TBX5: variants seen among roughly 807,000 people sequenced by gnomAD.
TBX5 encodes T-box transcription factor 5, also known as T-box transcription factor TBX5.
In TBX5, 8 loss-of-function variants were observed where a neutral mutation model predicts 51.1. That is an observed-to-expected ratio of 0.16 (90% CI 0.09 to 0.28). The LOEUF is 0.28. Ranked by LOEUF, TBX5 falls within the 10% of genes least tolerant of loss-of-function variation. The pLI is 1.00. For missense variants in TBX5, 589 were observed against 671.7 expected (o/e 0.88, Z 1.36); for synonymous variants, 302 against 266.4 (o/e 1.13, Z -1.30).
Position 114,401,906 on chromosome 12 carries a change from G to T in TBX5, c.162C>A (p.Ile54=). 6.2e-7 allele frequency: 1 copy of T among 1,614,146 alleles called. No individual in the cohort carries two copies. Among genetic ancestry groups the T allele is most frequent in the South Asian group, 1.1e-5 (1 of 91,076 alleles). ...AAFTQQGMEG[I]KVFLHERELW... ...GTTCTCTTTCATGGAGAAACACTTT[G>T]ATTCCCTCCATGCCCTGCAAGAAGG... Residue 54 remains isoleucine (I), a synonymous_variant, in exon 3 of 9, where the codon ATC becomes ATA. Coordinates refer to ENST00000405440, the MANE Select transcript of TBX5 (RefSeq NM_181486.4).
chr12:114,395,340 C>T (rs1032863797), intron 5 of TBX5, among the ~76,000 whole-genome samples: 8 of 152,098 alleles, frequency 5.3e-5, no homozygotes, highest in Admixed American at 3.3e-4. Context: ...CTCCCCAAAT[C>T]TCTAAGGGAT....
intron 6 of TBX5, among the ~76,000 whole-genome samples, chr12:114,391,181 T>C (rs1593872036): frequency 1.3e-5 from 2 of 152,222 alleles, no homozygotes; most frequent in South Asian, 4.1e-4. Context: ...CATGCATTGC[T>C]TTTCTTTTCC....
chr12:114,385,326 G>T, intron 7 of TBX5, 150 bp downstream of exon 7: 1 of 739,550 alleles, frequency 1.4e-6, no homozygotes, highest in Admixed American at 2.0e-5. Context: ...CAGAAAATGG[G>T]ACAGAGGGGG....
At chr12:114,398,364 A>G (rs1380318005) in intron 5 of TBX5, among the ~76,000 whole-genome samples, 1 of 152,134 alleles carries the variant, frequency 6.6e-6, no homozygotes, top group Non-Finnish European at 1.5e-5. Flanking sequence ...GAAAGGAATG[A>G]GAGAATTGAG....
At chr12:114,399,152 C>T (rs2136417527) in intron 4 of TBX5, among the ~76,000 whole-genome samples, 1 of 152,310 alleles carries the variant, frequency 6.6e-6, no homozygotes, top group African/African-American at 2.4e-5. Flanking sequence ...CATAAAAATG[C>T]ATGTTCAAAG....
intron 8 of TBX5, 133 bp from the exon 9 acceptor site, chr12:114,356,239 C>CA (rs1333096744): frequency 1.7e-5 from 15 of 875,102 alleles, no homozygotes; most frequent in South Asian, 2.8e-5. Flanking sequence ...ATTCTGAATA[C>CA]AAAAAAAGGG....
Position 114,385,712 on chromosome 12 carries a change from C to T in TBX5, c.664-145G>A, listed in dbSNP as rs539209437. The T allele has an allele frequency of 7.3e-4, 519 of 715,336 alleles. 4 individuals carry two copies. In the South Asian group the frequency reaches 7.6e-3, roughly 10 times the overall value. 44.3% of individuals were successfully genotyped at this position (715,336 alleles called of 1,614,324 possible). A position where few individuals can be genotyped will look rare whatever the true frequency, so the allele number is the denominator to read the frequency against. On this transcript the variant is annotated intron_variant, in intron 6 of 8. Transcript: ENST00000405440. ...AATTAAGCCAGTCACGTCAACGGGA[C>T]CCACCACTTCATTCAAGTGGAGGCT...
At chr12:114,378,627 TTTTG>T (rs1870335038) in intron 7 of TBX5, among the ~76,000 whole-genome samples, 1 of 151,436 alleles carries the variant, frequency 6.6e-6, no homozygotes, top group South Asian at 2.1e-4. Flanking sequence ...TTCTGTTTTG[TTTTG>T]TTTGTTTTGT....
chr12:114,370,321 G>T (rs111769133), intron 7 of TBX5, among the ~76,000 whole-genome samples: 3 of 149,752 alleles, frequency 2.0e-5, no homozygotes, highest in Non-Finnish European at 4.5e-5. Flanking sequence ...AGAAAGAAAA[G>T]AAAAGAAAAG....
intron 3 of TBX5, among the ~76,000 whole-genome samples, chr12:114,400,394 C>T (rs113770432): frequency 5.3e-5 from 8 of 152,376 alleles, no homozygotes; most frequent in African/African-American, 1.4e-4. Flanking sequence ...GTTATCAAGC[C>T]GATGGCCCGG....
chr12:114,401,446 ACT>A (rs1350375920), intron 3 of TBX5, among the ~76,000 whole-genome samples: 5 of 151,878 alleles, frequency 3.3e-5, no homozygotes, highest in Non-Finnish European at 7.4e-5. Context: ...AACCTTCTAG[ACT>A]CTGTCTTCTC....
At chr12:114,379,039 G>A (rs1870361937) in intron 7 of TBX5, among the ~76,000 whole-genome samples, 1 of 152,154 alleles carries the variant, frequency 6.6e-6, no homozygotes, top group Admixed American at 6.5e-5. Flanking sequence ...TTTTTCAGTG[G>A]ACAACAGCTG....
intron 7 of TBX5, among the ~76,000 whole-genome samples, chr12:114,378,488 G>A (rs755414675): frequency 2.0e-5 from 3 of 152,140 alleles, no homozygotes; most frequent in Admixed American, 6.5e-5. Context: ...GCGATCGAGC[G>A]TCCCTCTGGG....
In TBX5 at chr12:114,369,358, T is replaced by A. The variant is rs78443885; in HGVS notation, c.756-2967A>T. On this transcript the variant is annotated intron_variant, in intron 7 of 8. Coordinates refer to ENST00000405440, the MANE Select transcript of TBX5 (RefSeq NM_181486.4). Reference sequence around the variant, plus strand: ...TAACACAGAAGTGGGAAAAGCAATATCATCCCAATAACCACTTGTCCCTCA... The same window carrying A: ...TAACACAGAAGTGGGAAAAGCAATAACATCCCAATAACCACTTGTCCCTCA... Among the ~76,000 whole-genome samples the A allele has an allele frequency of 6.1e-3, 931 of 152,294 alleles. 10 individuals are homozygous for A. Among genetic ancestry groups the A allele is most frequent in the African/African-American group, 0.019 (779 of 41,562 alleles).
intron 4 of TBX5, 75 bp downstream of exon 4, chr12:114,399,438 A>C: frequency 6.3e-7 from 1 of 1,595,078 alleles, no homozygotes; most frequent in South Asian, 1.1e-5. Context: ...AAGTTCACTG[A>C]TACAACTTTT....
In TBX5 at chr12:114,394,804, C is replaced by A. The variant is rs139329918; in HGVS notation, c.600G>T (p.Ala200=). The part of the protein sequence containing the change: ...ENNGFGSKNT[A]FCTHVFPETA... ...TCTCAGGAAAGACGTGAGTGCAGAA[C>A]GCTGTATTTTTTGAGCCAAATCCAT... The change falls in exon 6 of 9, where the codon GCG becomes GCT. Residue 200 remains alanine, a synonymous_variant. Transcript: ENST00000405440. 58 of 1,614,112 alleles carry A rather than the reference C, an allele frequency of 3.6e-5. No individual in the cohort carries two copies. In the African/African-American group the frequency reaches 7.2e-4, roughly 20 times the overall value.
chr12:114,406,976 G>A, upstream of TBX5: 1 of 868,322 alleles, frequency 1.2e-6, no homozygotes, highest in Non-Finnish European at 1.4e-6. Context: ...CAGGAGTCCT[G>A]TTCTGTTTCC....
chr12:114,370,638 CCTCT>C (rs142620191), intron 7 of TBX5, among the ~76,000 whole-genome samples: 37,420 of 146,710 alleles, frequency 0.26, 4,875 homozygotes, highest in East Asian at 0.38. Context: ...ATGATCTCTC[CCTCT>C]CTCTCTCTCT....
chr12:114,370,454 C>T (rs968891672), intron 7 of TBX5, among the ~76,000 whole-genome samples: 3 of 152,148 alleles, frequency 2.0e-5, no homozygotes, highest in Non-Finnish European at 2.9e-5. Context: ...TATTCCAAAA[C>T]TCACGCCACC....
Sources: allele counts gnomAD v4.1 joint callset (sites outside exome capture counted in the v4.1 genomes callset), GRCh38; gene constraint gnomAD v4.1.1; transcripts MANE v1.5; gene names NCBI Gene and HGNC (gene_info 2026-07-23, HGNC 2026-07-21).